CNTN4: variants seen among roughly 807,000 people sequenced by gnomAD.
CNTN4 encodes contactin 4.
CNTN4 carries 77 observed loss-of-function variants against 122.5 expected under a neutral mutation model. The observed-to-expected ratio is 0.63, with a 90% confidence interval of 0.52 to 0.76. The LOEUF is 0.76. CNTN4 is among the 30% of genes least tolerant of loss of function. The pLI is 0.00. For synonymous variants in CNTN4, 512 were observed against 447.0 expected, an observed-to-expected ratio of 1.15 and a Z score of -1.83; for missense variants, 1,256 against 1,259.1, an observed-to-expected ratio of 1.00 and a Z score of 0.04.
intron 10 of CNTN4, among the ~76,000 whole-genome samples, chr3:2,899,067 A>C (rs1194469322): frequency 6.6e-6 from 1 of 152,248 alleles, no homozygotes; most frequent in Non-Finnish European, 1.5e-5. Flanking sequence ...GCAGCAATGC[A>C]TCATCCCATC....
intron 2 of CNTN4, among the ~76,000 whole-genome samples, chr3:2,131,504 A>G (rs1014325530): frequency 1.3e-5 from 2 of 152,170 alleles, no homozygotes; most frequent in Non-Finnish European, 2.9e-5. Context: ...TAAGATTCAG[A>G]TGAGAGAGAA....
chr3:2,344,302 A>G (rs1441946456), intron 3 of CNTN4, among the ~76,000 whole-genome samples: 2 of 146,780 alleles, frequency 1.4e-5, no homozygotes, highest in East Asian at 2.0e-4. Flanking sequence ...TTTAGATGGC[A>G]TCTAGCTCTG....
chr3:2,541,883 C>G (rs1323739908), intron 3 of CNTN4, among the ~76,000 whole-genome samples: 1 of 152,082 alleles, frequency 6.6e-6, no homozygotes, highest in Non-Finnish European at 1.5e-5. Context: ...GGCAGGGCCA[C>G]TGACCTTGGC....
intron 7 of CNTN4, among the ~76,000 whole-genome samples, chr3:2,864,399 C>A (rs2093701406): frequency 6.6e-6 from 1 of 151,936 alleles, no homozygotes; most frequent in Non-Finnish European, 1.5e-5. Flanking sequence ...AGCCTTGCAG[C>A]CAGTAGCTAC....
chr3:2,436,779 AATATAT>A (rs2048272945), intron 3 of CNTN4, among the ~76,000 whole-genome samples: 5 of 147,632 alleles, frequency 3.4e-5, no homozygotes, highest in African/African-American at 1.3e-4. Context: ...ATATATATGA[AATATAT>A]GTATATATTT....
chr3:3,002,813 GA>G (rs1302569686), intron 14 of CNTN4, among the ~76,000 whole-genome samples: 3 of 152,140 alleles, frequency 2.0e-5, no homozygotes, highest in African/African-American at 7.2e-5. Flanking sequence ...CCCCAAAAAT[GA>G]GATGAAATTT....
intron 3 of CNTN4, among the ~76,000 whole-genome samples, chr3:2,535,094 A>G (rs865936525): frequency 6.6e-6 from 1 of 152,134 alleles, no homozygotes; most frequent in African/African-American, 2.4e-5. Flanking sequence ...ATTACTTTAA[A>G]TAGGAATACC....
At chr3:2,164,094 T>C (rs12497784) in intron 2 of CNTN4, among the ~76,000 whole-genome samples, 2 of 151,536 alleles carry the variant, frequency 1.3e-5, no homozygotes, top group African/African-American at 2.4e-5. Flanking sequence ...GGGTGATGAG[T>C]GCACCAAAAT....
chr3:2,513,696 T>G (rs1483568423), intron 3 of CNTN4, among the ~76,000 whole-genome samples: 1 of 152,168 alleles, frequency 6.6e-6, no homozygotes, highest in Non-Finnish European at 1.5e-5. Context: ...TTTGCAAGAT[T>G]TGTAGTTTGC....
intron 2 of CNTN4, among the ~76,000 whole-genome samples, chr3:2,196,565 A>G (rs919646743): frequency 3.3e-5 from 5 of 152,038 alleles, no homozygotes; most frequent in African/African-American, 1.2e-4. Context: ...ATTTTCCACA[A>G]TTTTTGTTGG....
intron 6 of CNTN4, among the ~76,000 whole-genome samples, chr3:2,766,911 T>C (rs1455488372): frequency 6.6e-6 from 1 of 152,206 alleles, no homozygotes; most frequent in East Asian, 1.9e-4. Flanking sequence ...AAAGTCCATG[T>C]TGGTTTGGAA....
rs557154268 is a variant in CNTN4 at position 2,298,485 on chromosome 3, A to T, written c.-144-40693A>T. On this transcript the variant is annotated intron_variant, in intron 2 of 24. Coordinates refer to ENST00000418658, the MANE Select transcript of CNTN4 (RefSeq NM_175607.3). ...TGTGTATATCAAAATGCCCTTGAAA[A>T]AAATGGAATTTGAAAATTTCTTTCT... Among the ~76,000 whole-genome samples the T allele has an allele frequency of 5.9e-5, 9 of 152,298 alleles. No individual in the cohort carries two copies. The South Asian group carries it at 1.2e-3, about 21-fold the overall frequency.
At chr3:2,402,855 T>G (rs991730267) in intron 3 of CNTN4, among the ~76,000 whole-genome samples, 1 of 152,188 alleles carries the variant, frequency 6.6e-6, no homozygotes, top group African/African-American at 2.4e-5. Flanking sequence ...GGTTATACCT[T>G]ACGCAGTACA....
chr3:2,875,953 G>T (rs572865425), intron 8 of CNTN4, among the ~76,000 whole-genome samples: 1 of 152,310 alleles, frequency 6.6e-6, no homozygotes, highest in South Asian at 2.1e-4. Context: ...ACCGTCCAGC[G>T]CAAGCAGAGG....
At chr3:2,609,349 C>T (rs1028213134) in intron 4 of CNTN4, among the ~76,000 whole-genome samples, 2 of 152,214 alleles carry the variant, frequency 1.3e-5, no homozygotes, top group African/African-American at 4.8e-5. Flanking sequence ...AAGGTGCCAC[C>T]TTGGAAGCAG....
intron 14 of CNTN4, among the ~76,000 whole-genome samples, chr3:3,016,812 A>T (rs969796414): frequency 6.6e-6 from 1 of 152,188 alleles, no homozygotes; most frequent in Non-Finnish European, 1.5e-5. Flanking sequence ...CTTATTAAAC[A>T]GCTCTGCTTT....
intron 4 of CNTN4, among the ~76,000 whole-genome samples, chr3:2,650,342 G>T (rs1000575357): frequency 6.6e-6 from 1 of 152,106 alleles, no homozygotes; most frequent in African/African-American, 2.4e-5. Flanking sequence ...ATGAGGAGTT[G>T]CTTCTTATAG....
intron 10 of CNTN4, among the ~76,000 whole-genome samples, chr3:2,891,270 C>T (rs974927102): frequency 1.1e-4 from 17 of 152,058 alleles, no homozygotes; most frequent in African/African-American, 4.1e-4. Flanking sequence ...TCGAAACCAG[C>T]TCCGTCTCTA....
In CNTN4 at chr3:2,649,534, C is replaced by G. The variant is rs145729215; in HGVS notation, c.55+77976C>G. On this transcript the variant is annotated intron_variant, in intron 4 of 24. Transcript: ENST00000418658. ...TGGTTTGCTGAATATTTTCTGCCCACTGTTGAGACCTACTGCTCAGAAAAA... is the reference window on the plus strand; with the variant it reads ...TGGTTTGCTGAATATTTTCTGCCCAGTGTTGAGACCTACTGCTCAGAAAAA... 1.4e-4 allele frequency among the ~76,000 whole-genome samples: 22 copies of G among 152,286 alleles called. No homozygotes were observed. The East Asian group carries it at 3.9e-3, about 27-fold the overall frequency.
Sources: gnomAD v4.1 joint callset for allele counts (sites outside exome capture counted in the v4.1 genomes callset) on GRCh38, gnomAD v4.1.1 for gene constraint, MANE v1.5 for transcripts, NCBI Gene and HGNC (gene_info 2026-07-23, HGNC 2026-07-21) for gene names.